The following IRX5 variants were observed in gnomAD, a reference collection of about 807,000 sequenced individuals.
IRX5 encodes the protein iroquois homeobox 5.
IRX5 carries 8 observed loss-of-function variants against 37.6 expected under a neutral mutation model. The ratio of observed to expected loss-of-function variants is 0.21; its 90% confidence interval spans 0.12 to 0.38. The LOEUF is 0.38. Among genes scored for constraint, IRX5 ranks in the 10% least tolerant of loss-of-function variants. The pLI is 1.00. For synonymous variants in IRX5, 359 were observed against 328.6 expected, an observed-to-expected ratio of 1.09 and a Z score of -1.00; for missense variants, 635 against 695.2, an observed-to-expected ratio of 0.91 and a Z score of 0.97.
At position 54,934,035 on chromosome 16, in the gene IRX5, TCTC is replaced by T. The variant is rs1963940106; in HGVS notation, c.*164_*166del. The T allele has an allele frequency of 1.6e-6, 1 of 617,728 alleles. No individual in the cohort carries two copies. The highest frequency in any genetic ancestry group is 1.9e-5 in the African/African-American group (1 of 53,298). 38.3% of individuals were successfully genotyped at this position (617,728 alleles called of 1,614,324 possible). ...GATGGATGACATAAAAATGTAAACATCTCCACACAAAAAAAAAAATGTCTTAAC... is the reference window on the plus strand; with the variant it reads ...GATGGATGACATAAAAATGTAAACATCACACAAAAAAAAAAATGTCTTAAC... On this transcript the variant is annotated 3_prime_UTR_variant, in exon 3 of 3. Coordinates refer to ENST00000394636, the MANE Select transcript of IRX5 (RefSeq NM_005853.6).
intron 1 of IRX5, chr16:54,931,967 G>C: frequency 1.6e-6 from 1 of 641,158 alleles, no homozygotes; most frequent in South Asian, 1.7e-5. Context: ...GGGATTTTTC[G>C]GCCGGGTTGT....
Position 54,931,132 on chromosome 16 carries a change from C to A in IRX5, c.-67C>A. The A allele has an allele frequency of 8.1e-7, 1 of 1,230,108 alleles. No individual in the cohort carries two copies. Among genetic ancestry groups the A allele is most frequent in the Non-Finnish European group, 1.0e-6 (1 of 979,880 alleles). 76.2% of individuals were successfully genotyped at this position (1,230,108 alleles called of 1,614,324 possible). On this transcript the variant is annotated 5_prime_UTR_variant, in exon 1 of 3. Coordinates refer to ENST00000394636, the MANE Select transcript of IRX5 (RefSeq NM_005853.6). ...CAGAGGCCAGGTGCCCGCCCGCTCGCCCTCGCAGGGCGCCGCCCGGCTCGT... is the reference window on the plus strand; with the variant it reads ...CAGAGGCCAGGTGCCCGCCCGCTCGACCTCGCAGGGCGCCGCCCGGCTCGT...
chr16:54,933,131 C>G lies in IRX5; in HGVS notation c.710C>G (p.Thr237Ser). ...TGCGAACGGCTTCAGGGACCACCCA[C>G]CCCTGCAGGCAAGGAGACGGAGGGC... is the stretch of plus-strand genomic sequence containing the variant. ...SGCERLQGPP[T>S]PAGKETEGSL... The change falls in exon 3 of 3, where the codon ACC becomes AGC. Residue 237 changes from threonine (T) to serine (S), a missense_variant. Transcript: ENST00000394636. 1 of 1,586,366 alleles carries G rather than the reference C, an allele frequency of 6.3e-7. No homozygotes were observed. Among genetic ancestry groups the G allele is most frequent in the Middle Eastern group, 2.2e-4 (1 of 4,604 alleles).
Position 54,932,915 on chromosome 16 carries a change from T to TG in IRX5, c.655+15dup. 6.2e-7 allele frequency: 1 copy of TG among 1,601,394 alleles called. No homozygotes were observed. The highest frequency in any genetic ancestry group is 8.5e-7 in the Non-Finnish European group (1 of 1,174,430). On this transcript the variant is annotated intron_variant, in intron 2 of 2. Coordinates refer to ENST00000394636, the MANE Select transcript of IRX5 (RefSeq NM_005853.6). The surrounding 1 kb of genome is among the most constrained non-coding windows in gnomAD (Gnocchi z 6.7). ...GGGCCCCGAAGCAGGTTGGTGGACA[T>TG]GGGAAAGGGCGTGTTGGGCGGGAGT...
Position 54,932,791 on chromosome 16 carries a change from G to C in IRX5, c.543G>C (p.Pro181=). The C allele has an allele frequency of 6.2e-7, 1 of 1,614,146 alleles. No individual in the cohort carries two copies. The change falls in exon 2 of 3, where the codon CCG becomes CCC. Residue 181 remains proline, a synonymous_variant. Transcript: ENST00000394636. This position sits in a 1 kb window ranked among gnomAD's most constrained non-coding sequence, Gnocchi z 6.7. ...AAGAGAATAAAATGACGTGGACGCCGCGGAACCGCAGCGAGGACGAGGAAG... is the reference window on the plus strand; with the variant it reads ...AAGAGAATAAAATGACGTGGACGCCCCGGAACCGCAGCGAGGACGAGGAAG... ...LKKENKMTWT[P]RNRSEDEEEE... is the part of the protein sequence containing the mutation.
Position 54,932,337 on chromosome 16 carries a change from G to A in IRX5, c.250-161G>A, listed in dbSNP as rs1963908403. On this transcript the variant is annotated intron_variant, in intron 1 of 2. Transcript: ENST00000394636. The surrounding 1 kb of genome is among the most constrained non-coding windows in gnomAD (Gnocchi z 6.7). ...TGCCTTCTGAGGAGGGGGAGGAGTT[G>A]CTCCTAGGTCTGAACCCCGCCAGCC... 3.8e-6 allele frequency: 3 copies of A among 786,002 alleles called. No homozygotes were observed. In the East Asian group the frequency reaches 8.1e-5, roughly 21 times the overall value. The allele number at this position is 786,002 out of a possible 1,614,324, so 48.7% of individuals were successfully genotyped here.
chr16:54,933,871 T>G lies in IRX5; in HGVS notation c.1450T>G (p.Ter484GluextTer13). 1 of 1,582,336 alleles carries G rather than the reference T, an allele frequency of 6.3e-7. No homozygotes were observed. ...ATTGAAGAAAGGTATGTCCGACATT[T>G]AACGCGGGCTGCGTCGGTCCCGGAC... ...YELKKGMSDI[*>E] Residue 484 changes from the stop codon to glutamate, a stop_lost, in exon 3 of 3, where the codon TAA becomes GAA. Coordinates refer to ENST00000394636, the MANE Select transcript of IRX5 (RefSeq NM_005853.6).
Position 54,933,812 on chromosome 16 carries a change from C to T in IRX5, c.1391C>T (p.Ser464Phe), listed in dbSNP as rs1333189524. 2 of 1,614,078 alleles carry T rather than the reference C, an allele frequency of 1.2e-6. No individual in the cohort carries two copies. Among genetic ancestry groups the T allele is most frequent in the Non-Finnish European group, 1.7e-6 (2 of 1,180,008 alleles). ...GACCCGAAAATGTTGCGGAGCCAGTCTCAGCTAGACCTGTGCAAAGACTCT... is the reference window on the plus strand; with the variant it reads ...GACCCGAAAATGTTGCGGAGCCAGTTTCAGCTAGACCTGTGCAAAGACTCT... ...AKDPKMLRSQ[S>F]QLDLCKDSPY... is the part of the protein sequence containing the mutation. Residue 464 changes from serine to phenylalanine, a missense_variant, in exon 3 of 3, where the codon TCT (serine) becomes TTT (phenylalanine). By Grantham distance (155) the Ser-to-Phe change is radical. Around this residue, in one of 5 missense-constraint regions of IRX5, gnomAD observed 188 missense variants for 200.8 expected, o/e 0.94. Coordinates refer to ENST00000394636, the MANE Select transcript of IRX5 (RefSeq NM_005853.6).
In IRX5 at chr16:54,932,359, A is replaced by G; in HGVS notation, c.250-139A>G. On this transcript the variant is annotated intron_variant, in intron 1 of 2. Transcript: ENST00000394636. The surrounding 1 kb of genome is among the most constrained non-coding windows in gnomAD (Gnocchi z 6.7). ...GTTGCTCCTAGGTCTGAACCCCGCC[A>G]GCCTTGCCCCGTAGGAAGCTGGAGT... 1.0e-6 allele frequency: 1 copy of G among 990,656 alleles called. No individual in the cohort carries two copies. 61.4% of individuals were successfully genotyped at this position (990,656 alleles called of 1,614,324 possible). A position where few individuals can be genotyped will look rare whatever the true frequency, so the allele number is the denominator to read the frequency against.
Position 54,932,955 on chromosome 16 carries a change from AGGCCTGGAGGGGGCGCGCACGG to A in IRX5, c.655+63_655+84del, listed in dbSNP as rs1963917882. ...TGGGCGGGAGTAAAAAGGAAAAGAG[AGGCCTGGAGGGGGCGCGCACGG>A]GGCCTGGAGGTTGGGGGCAGGGGTC... On this transcript the variant is annotated intron_variant, in intron 2 of 2. Transcript: ENST00000394636. The surrounding 1 kb of genome is among the most constrained non-coding windows in gnomAD (Gnocchi z 6.7). 1 of 1,580,614 alleles carries A rather than the reference AGGCCTGGAGGGGGCGCGCACGG, an allele frequency of 6.3e-7. No homozygotes were observed. The highest frequency in any genetic ancestry group is 2.2e-5 in the East Asian group (1 of 44,520).
chr16:54,932,636 G>A lies in IRX5; in HGVS notation c.388G>A (p.Ala130Thr), dbSNP rs1466843057. Residue 130 changes from alanine (A) to threonine (T), a missense_variant, in exon 2 of 3, where the codon GCC becomes ACC. By Grantham distance (58) the Ala-to-Thr change is moderately conservative (BLOSUM62 0). Coordinates refer to ENST00000394636, the MANE Select transcript of IRX5 (RefSeq NM_005853.6). The surrounding 1 kb of genome is among the most constrained non-coding windows in gnomAD (Gnocchi z 6.7). ...AAGGGACGCCACGGCTACCCTCAAGGCCTGGCTCAACGAGCACCGCAAGAA... is the reference window on the plus strand; with the variant it reads ...AAGGGACGCCACGGCTACCCTCAAGACCTGGCTCAACGAGCACCGCAAGAA... ...ATRDATATLK[A>T]WLNEHRKNPY... is the part of the protein sequence containing the mutation. The A allele has an allele frequency of 1.2e-6, 2 of 1,614,062 alleles. No homozygotes were observed. The highest frequency in any genetic ancestry group is 1.1e-5 in the South Asian group (1 of 91,070).
In IRX5 at chr16:54,933,705, GC is replaced by G; in HGVS notation, c.1286del (p.Pro429GlnfsTer14). ...GHLHGHPGPG[P>X]GPTTGPGSHF... The stretch of plus-strand genomic sequence containing the variant: ...ACCTTCATGGCCACCCGGGGCCCGG[GC>G]CAGGCCCCACAACCGGTCCGGGGTC... On this transcript the variant is annotated frameshift_variant, in exon 3 of 3. Transcript: ENST00000394636. LOFTEE classifies it high-confidence loss of function. The G allele has an allele frequency of 6.2e-7, 1 of 1,613,770 alleles. No homozygotes were observed. Among genetic ancestry groups the G allele is most frequent in the Non-Finnish European group, 8.5e-7 (1 of 1,179,918 alleles).
Position 54,933,056 on chromosome 16 carries a change from C to A in IRX5, c.656-21C>A, listed in dbSNP as rs1265293325. 1.9e-6 allele frequency: 3 copies of A among 1,602,546 alleles called. No homozygotes were observed. The East Asian group carries it at 6.7e-5, about 36-fold the overall frequency. ...CGCCGCGCGGCCTCTGCGCCCCTGA[C>A]AGCCTGGGTTTCGCCCGCAGGAGGA... is the stretch of plus-strand genomic sequence containing the variant. On this transcript the variant is annotated intron_variant, in intron 2 of 2. Coordinates refer to ENST00000394636, the MANE Select transcript of IRX5 (RefSeq NM_005853.6).
chr16:54,933,183 G>C lies in IRX5; in HGVS notation c.762G>C (p.Glu254Asp). ...EGSLSDSDFK[E>D]PPSEGRLDAL... ...GCCTCAGCGACTCGGATTTTAAGGA[G>C]CCGCCCTCGGAGGGCCGCCTCGACG... Residue 254 changes from glutamate to aspartate, a missense_variant, in exon 3 of 3, where the codon GAG (glutamate) becomes GAC (aspartate). By Grantham distance (45) the Glu-to-Asp change is conservative. Coordinates refer to ENST00000394636, the MANE Select transcript of IRX5 (RefSeq NM_005853.6). 1.3e-6 allele frequency: 2 copies of C among 1,553,674 alleles called. No homozygotes were observed. The highest frequency in any genetic ancestry group is 4.7e-5 in the East Asian group (2 of 42,310).
intron 1 of IRX5, 58 bp downstream of exon 1, chr16:54,931,505 G>A: frequency 6.8e-7 from 1 of 1,470,286 alleles, no homozygotes; most frequent in Non-Finnish European, 9.0e-7. Context: ...GGGAGGACGG[G>A]GGCGGAGGGG....
chr16:54,931,176 G>GCGCCC lies in IRX5; in HGVS notation c.-21_-17dup, dbSNP rs1963890940. 2 of 1,370,436 alleles carry GCGCCC rather than the reference G, an allele frequency of 1.5e-6. No individual in the cohort carries two copies. The highest frequency in any genetic ancestry group is 3.0e-5 in the African/African-American group (2 of 66,422). The allele number at this position is 1,370,436 out of a possible 1,614,324, so 84.9% of individuals were successfully genotyped here. A position where few individuals can be genotyped will look rare whatever the true frequency, so the allele number is the denominator to read the frequency against. On this transcript the variant is annotated 5_prime_UTR_variant, in exon 1 of 3. Transcript: ENST00000394636. ...GGCTCGTTGGCGGCCGCGGCGCGGCGCGCCCCATGCCCGTGTGTGGCCATG... is the reference window on the plus strand; with the variant it reads ...GGCTCGTTGGCGGCCGCGGCGCGGCGCGCCCCGCCCCATGCCCGTGTGTGGCCATG...
At position 54,931,153 on chromosome 16, in the gene IRX5, C is replaced by T. The variant is rs774936178; in HGVS notation, c.-46C>T. ...CTCGCCCTCGCAGGGCGCCGCCCGG[C>T]TCGTTGGCGGCCGCGGCGCGGCGCG... On this transcript the variant is annotated 5_prime_UTR_variant, in exon 1 of 3. Coordinates refer to ENST00000394636, the MANE Select transcript of IRX5 (RefSeq NM_005853.6). 2.6e-5 allele frequency: 34 copies of T among 1,301,598 alleles called. No individual in the cohort carries two copies. Among genetic ancestry groups the T allele is most frequent in the Non-Finnish European group, 3.3e-5 (34 of 1,022,394 alleles). The allele number at this position is 1,301,598 out of a possible 1,614,324, so 80.6% of individuals were successfully genotyped here.
intron 2 of IRX5, 44 bp from the exon 3 acceptor site, chr16:54,933,033 C>A (rs1230880447): frequency 1.2e-6 from 2 of 1,603,956 alleles, no homozygotes; most frequent in African/African-American, 1.3e-5. Context: ...CCGGGTCCCG[C>A]CGCGCGGCCT....
Position 54,932,572 on chromosome 16 carries a change from G to A in IRX5, c.324G>A (p.Ser108=), listed in dbSNP as rs374150005. Residue 108 remains serine, a synonymous_variant, in exon 2 of 3, where the codon TCG becomes TCA. Transcript: ENST00000394636. This position sits in a 1 kb window ranked among gnomAD's most constrained non-coding sequence, Gnocchi z 6.7. ...ATCCTTACGCGGCGCCCCTGGGATCGTACCCTTACGGGGACCCAGCGTACC... is the reference window on the plus strand; with the variant it reads ...ATCCTTACGCGGCGCCCCTGGGATCATACCCTTACGGGGACCCAGCGTACC... ...GYHPYAAPLG[S]YPYGDPAYRK... is the part of the protein sequence containing the mutation. 6.2e-6 allele frequency: 10 copies of A among 1,613,926 alleles called. No homozygotes were observed. Among genetic ancestry groups the A allele is most frequent in the Non-Finnish European group, 8.5e-6 (10 of 1,180,020 alleles).
Sources: allele counts gnomAD v4.1 joint callset, GRCh38; gene constraint gnomAD v4.1.1; regional missense constraint gnomAD v4.1.1; non-coding constraint Gnocchi (gnomAD v3.1); transcripts MANE v1.5; gene names NCBI Gene and HGNC (gene_info 2026-07-23, HGNC 2026-07-21).